RPS6KA2: variants seen among roughly 807,000 people sequenced by gnomAD.
RPS6KA2 encodes the protein ribosomal protein S6 kinase A2, also known as ribosomal protein S6 kinase alpha-2.
RPS6KA2 carries 42 observed loss-of-function variants against 91.8 expected under a neutral mutation model. The observed-to-expected ratio is 0.46, with a 90% confidence interval of 0.36 to 0.59. The LOEUF is 0.59. RPS6KA2 is among the 20% of genes least tolerant of loss of function. The pLI is 0.00. For synonymous variants in RPS6KA2, 414 were observed against 393.6 expected (o/e 1.05, Z -0.61); for missense variants, 798 against 978.5 (o/e 0.82, Z 2.46).
intron 2 of RPS6KA2, among the ~76,000 whole-genome samples, chr6:166,743,378 C>T (rs963793868): frequency 5.9e-5 from 9 of 152,240 alleles, no homozygotes; most frequent in African/African-American, 2.2e-4. Context: ...GAACGCCCAG[C>T]AACCAGGCCG....
At chr6:166,471,945 G>C (rs1391529521) in intron 10 of RPS6KA2, among the ~76,000 whole-genome samples, 2 of 152,232 alleles carry the variant, frequency 1.3e-5, no homozygotes, top group African/African-American at 4.8e-5. Flanking sequence ...CTTCGCAGGC[G>C]CACCAGTGGC....
intron 2 of RPS6KA2, chr6:166,702,509 G>A: frequency 2.6e-6 from 4 of 1,534,440 alleles, no homozygotes. Context: ...TTCACTTGCT[G>A]ACAGCTCTCC....
At position 166,453,232 on chromosome 6, in the gene RPS6KA2, A is replaced by ACAC. The variant is rs1562504101; in HGVS notation, c.1076-2000_1076-1999insGTG. On this transcript the variant is annotated intron_variant, in intron 12 of 20. Coordinates refer to ENST00000265678, the MANE Select transcript of RPS6KA2 (RefSeq NM_021135.6). ...ACACACACACACACACACACACACA[A>ACAC]AAAGGCTTTAAGACCAGCATAAGAA... Among the ~76,000 whole-genome samples the ACAC allele has an allele frequency of 3.7e-4, 35 of 94,382 alleles. 1 individual carries two copies. The highest frequency in any genetic ancestry group is 1.6e-3 in the Admixed American group (14 of 8,754). The allele number at this position is 94,382 out of a possible 152,430, so 61.9% of individuals were successfully genotyped here.
chr6:166,716,306 A>G (rs989767025), intron 2 of RPS6KA2, among the ~76,000 whole-genome samples: 1 of 152,180 alleles, frequency 6.6e-6, no homozygotes, highest in Non-Finnish European at 1.5e-5. Flanking sequence ...GACATTTAAG[A>G]AAAACAGAAA....
chr6:166,616,509 C>A (rs1227779942), intron 1 of RPS6KA2, among the ~76,000 whole-genome samples: 4 of 152,212 alleles, frequency 2.6e-5, no homozygotes, highest in Non-Finnish European at 5.9e-5. Context: ...GGTACAGTTG[C>A]GGACAGCTCC....
chr6:166,448,528 G>A lies in RPS6KA2; in HGVS notation c.1332+196C>T, dbSNP rs886757811. Among the ~76,000 whole-genome samples the A allele has an allele frequency of 6.6e-6, 1 of 152,230 alleles. No homozygotes were observed. Among genetic ancestry groups the A allele is most frequent in the Non-Finnish European group, 1.5e-5 (1 of 68,046 alleles). On this transcript the variant is annotated intron_variant, in intron 14 of 20. Coordinates refer to ENST00000265678, the MANE Select transcript of RPS6KA2 (RefSeq NM_021135.6). This position sits in a 1 kb window ranked among gnomAD's most constrained non-coding sequence, Gnocchi z 4.7. ...CTCAGGCTCAGGTGTCCCTGCTGGAGTCACTGCACAGCTGAGCACGTGAGC... is the reference window on the plus strand; with the variant it reads ...CTCAGGCTCAGGTGTCCCTGCTGGAATCACTGCACAGCTGAGCACGTGAGC...
intron 2 of RPS6KA2, among the ~76,000 whole-genome samples, chr6:166,802,944 G>GTATATATATATA (rs201882418): frequency 1.5e-5 from 2 of 133,772 alleles, no homozygotes; most frequent in African/African-American, 5.7e-5. Context: ...GTGTGTGTGT[G>GTATATATATATA]TATATATATA....
intron 11 of RPS6KA2, among the ~76,000 whole-genome samples, chr6:166,464,719 A>G: frequency 6.6e-6 from 1 of 152,174 alleles, no homozygotes; most frequent in South Asian, 2.1e-4. Context: ...AAACCAACAC[A>G]GCTTCTATCT....
At chr6:166,725,884 G>A (rs903101106) in intron 2 of RPS6KA2, among the ~76,000 whole-genome samples, 1 of 152,370 alleles carries the variant, frequency 6.6e-6, no homozygotes, top group African/African-American at 2.4e-5. Context: ...GGAGGAGGCA[G>A]AGGGCGCATC....
chr6:166,669,787 T>A (rs1215437734), intron 2 of RPS6KA2, among the ~76,000 whole-genome samples: 1 of 152,226 alleles, frequency 6.6e-6, no homozygotes, highest in South Asian at 2.1e-4. Context: ...GGCTGCTCCC[T>A]GCCTCACCCC....
At chr6:166,538,852 C>T in intron 1 of RPS6KA2, 68 bp from the exon 2 acceptor site, 1 of 810,818 alleles carries the variant, frequency 1.2e-6, no homozygotes, top group South Asian at 1.5e-5. Flanking sequence ...ACAGCTTCCT[C>T]CTCCCCTGAG....
rs9457168 is a variant in RPS6KA2, at chr6:166,437,856, C to G, written c.1333-5366G>C. Among the ~76,000 whole-genome samples the G allele has an allele frequency of 6.6e-6, 1 of 152,180 alleles. No homozygotes were observed. The highest frequency in any genetic ancestry group is 1.5e-5 in the Non-Finnish European group (1 of 68,042). On this transcript the variant is annotated intron_variant, in intron 14 of 20. Coordinates refer to ENST00000265678, the MANE Select transcript of RPS6KA2 (RefSeq NM_021135.6). This position sits in a 1 kb window ranked among gnomAD's most constrained non-coding sequence, Gnocchi z 4.3. ...CGAAGGCGGCAACAGGAGACTTCAC[C>G]GCTCTCGATACACCTTTCTGGTCTT...
chr6:166,688,194 G>A (rs1029676265), intron 2 of RPS6KA2, among the ~76,000 whole-genome samples: 1 of 152,162 alleles, frequency 6.6e-6, no homozygotes, highest in Non-Finnish European at 1.5e-5. Flanking sequence ...TGGAGCAGCT[G>A]GGGTGCTCTT....
At chr6:166,475,605 C>T (rs1202719309) in intron 10 of RPS6KA2, 2 of 308,298 alleles carry the variant, frequency 6.5e-6, no homozygotes, top group Admixed American at 4.0e-5. Flanking sequence ...AACCAGTGGC[C>T]TCTGGAGGTC....
chr6:166,844,650 A>T (rs1465126432), intron 2 of RPS6KA2, among the ~76,000 whole-genome samples: 1 of 152,204 alleles, frequency 6.6e-6, no homozygotes, highest in Admixed American at 6.5e-5. Flanking sequence ...ATCAGCCAAG[A>T]ATTTTGTATC....
At chr6:166,757,351 A>C (rs1778043387) in intron 2 of RPS6KA2, among the ~76,000 whole-genome samples, 1 of 152,198 alleles carries the variant, frequency 6.6e-6, no homozygotes. Context: ...GCCAGACATG[A>C]GGACCTGCTC....
intron 1 of RPS6KA2, among the ~76,000 whole-genome samples, chr6:166,567,101 C>T (rs970100163): frequency 6.6e-6 from 1 of 152,196 alleles, no homozygotes; most frequent in African/African-American, 2.4e-5. Flanking sequence ...TGAGGTAACC[C>T]AGGAAGACAT....
chr6:166,749,986 G>A (rs554074226), intron 2 of RPS6KA2, among the ~76,000 whole-genome samples: 16 of 151,910 alleles, frequency 1.1e-4, no homozygotes, highest in African/African-American at 3.1e-4. Flanking sequence ...AGTCAGCATC[G>A]GAAGCAGAGC....
Position 166,627,236 on chromosome 6 carries a change from C to T in RPS6KA2, c.-217G>A. ...CAATCGCTCCCTCCGCCTCCTTCTC[C>T]GCCTCCCCTGCGAGTACCAGCGCCG... On this transcript the variant is annotated 5_prime_UTR_variant, in exon 1 of 21. Coordinates refer to ENST00000265678, the MANE Select transcript of RPS6KA2 (RefSeq NM_021135.6). 2.9e-6 allele frequency: 3 copies of T among 1,021,000 alleles called. No homozygotes were observed. The highest frequency in any genetic ancestry group is 4.6e-5 in the South Asian group (1 of 21,766). 63.2% of individuals were successfully genotyped at this position (1,021,000 alleles called of 1,614,324 possible).
Sources: gnomAD v4.1 joint callset for allele counts (sites outside exome capture counted in the v4.1 genomes callset) on GRCh38, gnomAD v4.1.1 for gene constraint, Gnocchi (gnomAD v3.1) non-coding constraint, MANE v1.5 for transcripts, NCBI Gene and HGNC (gene_info 2026-07-23, HGNC 2026-07-21) for gene names.